CYP4F3: variants seen among roughly 807,000 people sequenced by gnomAD.
CYP4F3 encodes the protein cytochrome P450 4F3.
In CYP4F3, 50 loss-of-function variants were observed where a neutral mutation model predicts 54.8. The ratio of observed to expected loss-of-function variants is 0.91; its 90% CI spans 0.73 to 1.16. The LOEUF (loss-of-function observed/expected upper bound fraction) is 1.16, where lower values mean the gene tolerates loss of function less well. Among genes scored for constraint, CYP4F3 ranks in the 50% most tolerant of loss-of-function variants. CYP4F3 has a pLI of 0.00. For synonymous variants in CYP4F3, 244 were observed against 262.6 expected, an observed-to-expected ratio of 0.93 and a Z score of 0.69; for missense variants, 715 against 676.2, an observed-to-expected ratio of 1.06 and a Z score of -0.64.
In CYP4F3 at chr19:15,649,973, C is replaced by T. The variant is rs1972740725; in HGVS notation, c.708C>T (p.His236=). ...TCAGTGCCCTTGTGACAAAAAGACA[C>T]CAGCAGATCCTCCTGTACATAGACT... The part of the protein sequence containing the change: ...LELSALVTKR[H]QQILLYIDFL... The change falls in exon 7 of 13, where the codon CAC becomes CAT. Residue 236 remains histidine, a synonymous_variant. Transcript: ENST00000221307. 3 of 1,614,056 alleles carry T rather than the reference C, an allele frequency of 1.9e-6. No individual in the cohort carries two copies. The highest frequency in any genetic ancestry group is 1.3e-5 in the African/African-American group (1 of 74,910).
intron 5 of CYP4F3, 73 bp downstream of exon 5, chr19:15,647,397 A>AT: frequency 6.3e-7 from 1 of 1,596,180 alleles, no homozygotes; most frequent in Non-Finnish European, 8.6e-7. Flanking sequence ...CTAGTCTGGA[A>AT]TTTTGGCTCT....
At position 15,652,821 on chromosome 19, in the gene CYP4F3, A is replaced by G; in HGVS notation, c.986-2A>G. ...ACCCAAGCCTGCCTTGCTGCCCCCC[A>G]GGCCATGACACCACAGCCAGTGGTC... On this transcript the variant is annotated splice_acceptor_variant, in intron 8 of 12. Coordinates refer to ENST00000221307, the MANE Select transcript of CYP4F3 (RefSeq NM_000896.3). LOFTEE classifies it high-confidence loss of function. 1 of 1,610,254 alleles carries G rather than the reference A, an allele frequency of 6.2e-7. No individual in the cohort carries two copies. The highest frequency in any genetic ancestry group is 8.5e-7 in the Non-Finnish European group (1 of 1,178,108).
intron 2 of CYP4F3, among the ~76,000 whole-genome samples, chr19:15,642,186 C>T (rs973923574): frequency 1.3e-5 from 2 of 152,216 alleles, no homozygotes; most frequent in Non-Finnish European, 2.9e-5. Context: ...TCTCCTCCCC[C>T]AGACCTTGCC....
At chr19:15,655,420 C>T (rs931032594) in intron 9 of CYP4F3, among the ~76,000 whole-genome samples, 2 of 152,102 alleles carry the variant, frequency 1.3e-5, no homozygotes, top group Non-Finnish European at 2.9e-5. Context: ...TGAGGTCTTA[C>T]ATAGAAAGTC....
intron 9 of CYP4F3, among the ~76,000 whole-genome samples, chr19:15,657,106 A>C (rs1433089845): frequency 2.0e-5 from 3 of 152,140 alleles, no homozygotes; most frequent in Admixed American, 6.6e-5. Flanking sequence ...GTAACTGTAT[A>C]GTATTCCATT....
intron 8 of CYP4F3, 90 bp from the exon 9 acceptor site, chr19:15,652,733 A>C (rs1045821807): frequency 1.2e-6 from 2 of 1,605,818 alleles, no homozygotes; most frequent in Admixed American, 3.4e-5. Context: ...CCCTTCCCCC[A>C]TCCTCCCTGA....
Position 15,661,135 on chromosome 19 carries a change from G to T in CYP4F3, c.*1750G>T, listed in dbSNP as rs1973173322. The T allele has an allele frequency of 6.6e-6, 1 of 151,754 alleles. No individual in the cohort carries two copies. 9.4% of individuals were successfully genotyped at this position (151,754 alleles called of 1,614,324 possible). The stretch of plus-strand genomic sequence containing the variant: ...AAGTTAGCTGGTCATGGTGGTGCGG[G>T]CCTGTAATCCCAGCTACTCGGGAGG... On this transcript the variant is annotated 3_prime_UTR_variant, in exon 13 of 13. Transcript: ENST00000221307.
At chr19:15,649,023 C>G in intron 5 of CYP4F3, 137 bp from the exon 6 acceptor site, 1 of 1,383,870 alleles carries the variant, frequency 7.2e-7, no homozygotes, top group Non-Finnish European at 9.6e-7. Flanking sequence ...GCACCATAAC[C>G]TGGTGCTCCC....
chr19:15,652,435 G>A, intron 7 of CYP4F3, 134 bp from the exon 8 acceptor site: 1 of 1,333,702 alleles, frequency 7.5e-7, no homozygotes, highest in Non-Finnish European at 1.1e-6. Context: ...AAGGGTCTAG[G>A]AGAGCAAGAT....
At chr19:15,654,332 G>C (rs890444870) in intron 9 of CYP4F3, among the ~76,000 whole-genome samples, 6 of 152,104 alleles carry the variant, frequency 3.9e-5, no homozygotes, top group South Asian at 2.1e-4. Context: ...GATCAAATCA[G>C]TGTACTTGGG....
intron 3 of CYP4F3, among the ~76,000 whole-genome samples, chr19:15,646,415 G>T (rs989283967): frequency 1.3e-5 from 2 of 152,160 alleles, no homozygotes; most frequent in Non-Finnish European, 2.9e-5. Flanking sequence ...GGCATGTGTT[G>T]TAGTATGTTT....
Position 15,649,188 on chromosome 19 carries a change from G to A in CYP4F3, c.554G>A (p.Gly185Asp). 1 of 1,613,466 alleles carries A rather than the reference G, an allele frequency of 6.2e-7. No homozygotes were observed. Among genetic ancestry groups the A allele is most frequent in the Non-Finnish European group, 8.5e-7 (1 of 1,179,558 alleles). Residue 185 changes from glycine (G) to aspartate (D), a missense_variant, in exon 6 of 13, where the codon GGT (glycine) becomes GAT (aspartate). Transcript: ENST00000221307. ...AAGTGGCAGCTCCTGGCCTCAGAGG[G>A]TAGTGCCCGTCTGGACATGTTTGAG... ...HAKWQLLASE[G>D]SARLDMFEHI...
chr19:15,652,995 T>C (rs1452266521), intron 9 of CYP4F3, 43 bp downstream of exon 9: 1 of 1,565,662 alleles, frequency 6.4e-7, no homozygotes, highest in African/African-American at 1.4e-5. Flanking sequence ...CCTGTCTCAT[T>C]GGCTCTGTTC....
At chr19:15,649,871 G>T in intron 6 of CYP4F3, 42 bp from the exon 7 acceptor site, 1 of 1,602,980 alleles carries the variant, frequency 6.2e-7, no homozygotes, top group Non-Finnish European at 8.5e-7. Flanking sequence ...GGGGCTTCAG[G>T]TGTATTAAAT....
Position 15,662,254 on chromosome 19 carries a change from G to A in CYP4F3, c.*2869G>A. 1 of 76,080 alleles carries A rather than the reference G, an allele frequency of 1.3e-5. No homozygotes were observed. The highest frequency in any genetic ancestry group is 1.8e-4 in the Admixed American group (1 of 5,606). 4.7% of individuals were successfully genotyped at this position (76,080 alleles called of 1,614,324 possible). A position where few individuals can be genotyped will look rare whatever the true frequency, so the allele number is the denominator to read the frequency against. The stretch of plus-strand genomic sequence containing the variant: ...CCACTGCACTCCAGCCTGGGTGAAA[G>A]AGCTAGATTCTCTCTCTCAAAAAAA... On this transcript the variant is annotated 3_prime_UTR_variant, in exon 13 of 13. Coordinates refer to ENST00000221307, the MANE Select transcript of CYP4F3 (RefSeq NM_000896.3).
intron 2 of CYP4F3, among the ~76,000 whole-genome samples, chr19:15,644,950 CAA>C (rs1357284550): frequency 6.6e-6 from 1 of 152,158 alleles, no homozygotes; most frequent in Non-Finnish European, 1.5e-5. Context: ...GTAGTCTAAG[CAA>C]AGAAAGAGAA....
chr19:15,649,421 A>G (rs866550122), intron 6 of CYP4F3, 140 bp downstream of exon 6: 10 of 1,414,388 alleles, frequency 7.1e-6, no homozygotes, highest in Middle Eastern at 3.7e-4. Flanking sequence ...GACTGGTATG[A>G]ATTTTATCTT....
At chr19:15,650,524 G>A (rs1330886349) in intron 7 of CYP4F3, among the ~76,000 whole-genome samples, 1 of 152,112 alleles carries the variant, frequency 6.6e-6, no homozygotes, top group African/African-American at 2.4e-5. Flanking sequence ...CTGAGTTTGT[G>A]TCTCTCTCTA....
Position 15,659,220 on chromosome 19 carries a change from G to A in CYP4F3, c.1398G>A (p.Arg466=). 6.3e-7 allele frequency: 1 copy of A among 1,593,914 alleles called. No individual in the cohort carries two copies. Among genetic ancestry groups the A allele is most frequent in the Non-Finnish European group, 8.5e-7 (1 of 1,171,536 alleles). ...CAGAGTTTCCACCTCCCTCCCCAAG[G>A]AACTGCATCGGGCAGGCGTTCGCGA... ...LAFIPFSAGP[R]NCIGQAFAMA... Residue 466 remains arginine (R), a splice_region_variant and synonymous_variant, in exon 13 of 13, where the codon AGG becomes AGA. Transcript: ENST00000221307.
Sources: gnomAD v4.1 joint callset for allele counts (sites outside exome capture counted in the v4.1 genomes callset) on GRCh38, gnomAD v4.1.1 for gene constraint, MANE v1.5 for transcripts, NCBI Gene and HGNC (gene_info 2026-07-23, HGNC 2026-07-21) for gene names.